The following ROBO2 variants were observed in gnomAD, a reference collection of about 807,000 sequenced individuals.
ROBO2 encodes the protein roundabout guidance receptor 2.
ROBO2 carries 53 observed loss-of-function variants against 160.8 expected under a neutral mutation model. The observed-to-expected ratio is 0.33, with a 90% CI of 0.26 to 0.41. The LOEUF (loss-of-function observed/expected upper bound fraction) is 0.41. Among genes scored for constraint, ROBO2 ranks in the 10% least tolerant of loss-of-function variants. The pLI, the probability that ROBO2 is intolerant of heterozygous loss-of-function variation, is 1.00. For missense variants in ROBO2, 1,577 were observed against 1,722.4 expected, an observed-to-expected ratio of 0.92 and a Z score of 1.49; for synonymous variants, 664 against 611.7, an observed-to-expected ratio of 1.09 and a Z score of -1.26.
chr3:77,248,911 T>C (rs2090048291), intron 2 of ROBO2, among the ~76,000 whole-genome samples: 1 of 152,094 alleles, frequency 6.6e-6, no homozygotes, highest in Non-Finnish European at 1.5e-5. Context: ...AGGGTGTCAG[T>C]CTGTTACCCA....
chr3:76,053,372 T>C (rs2107827459), intron 2 of ROBO2, among the ~76,000 whole-genome samples: 1 of 152,172 alleles, frequency 6.6e-6, no homozygotes, highest in South Asian at 2.1e-4. Flanking sequence ...TATTTTCTAG[T>C]TGTAAAAACA....
chr3:75,916,708 T>A (rs1284515658), intron 1 of ROBO2, among the ~76,000 whole-genome samples: 5 of 151,880 alleles, frequency 3.3e-5, no homozygotes, highest in Non-Finnish European at 7.4e-5. Flanking sequence ...CAAAAAAAAG[T>A]CACAAAATGG....
At chr3:77,131,895 G>A (rs2075885547) in intron 2 of ROBO2, among the ~76,000 whole-genome samples, 2 of 152,000 alleles carry the variant, frequency 1.3e-5, no homozygotes, top group South Asian at 4.2e-4. Context: ...CAACTTTCTG[G>A]TAGAGTGTTT....
intron 2 of ROBO2, among the ~76,000 whole-genome samples, chr3:76,983,068 G>A (rs1430683292): frequency 7.2e-5 from 11 of 151,902 alleles, no homozygotes; most frequent in Admixed American, 1.3e-4. Context: ...GGCAGATCAC[G>A]AGGTCAGGAG....
intron 2 of ROBO2, among the ~76,000 whole-genome samples, chr3:76,683,463 G>GA (rs5850282): frequency 0.49 from 58,132 of 117,524 alleles, 14,104 homozygotes; most frequent in East Asian, 0.72. Context: ...AACCCCCACC[G>GA]AAAAAAAAAA....
chr3:77,517,086 G>T (rs1040904026), intron 5 of ROBO2, among the ~76,000 whole-genome samples: 5 of 151,586 alleles, frequency 3.3e-5, no homozygotes, highest in Non-Finnish European at 5.9e-5. Flanking sequence ...AAAAGATGTG[G>T]TAAAGATATG....
intron 1 of ROBO2, among the ~76,000 whole-genome samples, chr3:77,051,066 A>C (rs1297805580): frequency 1.3e-5 from 2 of 151,684 alleles, no homozygotes; most frequent in Admixed American, 1.3e-4. Context: ...CCCTGAACTC[A>C]CAAATCAAGT....
chr3:76,274,658 G>A (rs1426510149), intron 2 of ROBO2, among the ~76,000 whole-genome samples: 1 of 151,856 alleles, frequency 6.6e-6, no homozygotes, highest in African/African-American at 2.4e-5. Context: ...CCAGAATGGT[G>A]AAACCCCGTC....
chr3:76,635,077 T>A (rs2090253701), intron 2 of ROBO2, among the ~76,000 whole-genome samples: 1 of 152,184 alleles, frequency 6.6e-6, no homozygotes. Flanking sequence ...AATCTGTCCC[T>A]AGCGCCAAAA....
intron 2 of ROBO2, among the ~76,000 whole-genome samples, chr3:76,615,262 T>C (rs2088488362): frequency 6.6e-6 from 1 of 152,168 alleles, no homozygotes. Flanking sequence ...ATCAGTTGTA[T>C]TGTTTGCTTG....
At chr3:76,563,052 G>A (rs1265166203) in intron 2 of ROBO2, among the ~76,000 whole-genome samples, 1 of 151,896 alleles carries the variant, frequency 6.6e-6, no homozygotes, top group Non-Finnish European at 1.5e-5. Flanking sequence ...AAGGAGTAAG[G>A]AAAAAGTTGG....
intron 2 of ROBO2, among the ~76,000 whole-genome samples, chr3:76,151,532 C>T (rs1439435668): frequency 6.6e-6 from 1 of 152,158 alleles, no homozygotes; most frequent in Non-Finnish European, 1.5e-5. Flanking sequence ...GCTGGGGCTC[C>T]TAAACATATC....
intron 2 of ROBO2, among the ~76,000 whole-genome samples, chr3:76,209,969 A>G (rs1210749257): frequency 6.6e-6 from 1 of 152,130 alleles, no homozygotes; most frequent in Non-Finnish European, 1.5e-5. Context: ...TTATAGTAAA[A>G]GAAAAAAACA....
intron 1 of ROBO2, among the ~76,000 whole-genome samples, chr3:77,095,179 T>C (rs900763313): frequency 6.6e-6 from 1 of 152,096 alleles, no homozygotes; most frequent in African/African-American, 2.4e-5. Flanking sequence ...TAGATGTTCT[T>C]TGATGTTTTT....
At chr3:77,500,703 G>A (rs2087464078) in intron 5 of ROBO2, among the ~76,000 whole-genome samples, 1 of 152,158 alleles carries the variant, frequency 6.6e-6, no homozygotes, top group Admixed American at 6.5e-5. Flanking sequence ...AACTTTCAGA[G>A]GGATGACAGA....
chr3:77,096,889 CCTT>C (rs1432038665), intron 1 of ROBO2, among the ~76,000 whole-genome samples: 8 of 152,258 alleles, frequency 5.3e-5, no homozygotes, highest in Admixed American at 3.9e-4. Context: ...GTATATTTTT[CCTT>C]CTTCTTTTCT....
chr3:77,323,123 A>G (rs931375672), intron 2 of ROBO2, among the ~76,000 whole-genome samples: 3 of 144,622 alleles, frequency 2.1e-5, no homozygotes, highest in African/African-American at 7.7e-5. Flanking sequence ...ATATATTACA[A>G]TTATAAAAAA....
In ROBO2 at chr3:76,176,622, T is replaced by C. The variant is rs112429090; in HGVS notation, c.109+239020T>C. On this transcript the variant is annotated intron_variant, in intron 2 of 26. Coordinates refer to the ROBO2 transcript ENST00000487694. ...AACAATGGATCTGTTAGGAGGAAGA[T>C]ATTAGGTTCCTCAAAACTCTGTTAT... Among the ~76,000 whole-genome samples the C allele has an allele frequency of 2.3e-3, 347 of 152,268 alleles. 5 individuals are homozygous for C. Among genetic ancestry groups the C allele is most frequent in the African/African-American group, 7.9e-3 (329 of 41,574 alleles).
chr3:75,957,987 A>T (rs1322625431), intron 2 of ROBO2, among the ~76,000 whole-genome samples: 1 of 151,728 alleles, frequency 6.6e-6, no homozygotes, highest in Admixed American at 6.6e-5. Flanking sequence ...TGTTAGAAAT[A>T]TAATAATTTT....
Sources: gnomAD v4.1 joint callset for allele counts (sites outside exome capture counted in the v4.1 genomes callset) on GRCh38, gnomAD v4.1.1 for gene constraint, MANE v1.5 for transcripts, NCBI Gene and HGNC (gene_info 2026-07-23, HGNC 2026-07-21) for gene names.